The following PDE7A variants were observed in gnomAD, a reference collection of about 807,000 sequenced individuals.
The protein encoded by PDE7A is high affinity 3',5'-cyclic-AMP phosphodiesterase 7A.
Under a neutral mutation model 64.3 loss-of-function variants are expected in PDE7A, and 39 were observed. The observed-to-expected ratio is 0.61, with a 90% CI of 0.47 to 0.79. The LOEUF (loss-of-function observed/expected upper bound fraction) is 0.79. Among genes scored for constraint, PDE7A ranks in the 30% least tolerant of loss-of-function variants. PDE7A has a pLI of 0.00. For missense variants in PDE7A, 470 were observed against 582.8 expected, an observed-to-expected ratio of 0.81 and a Z score of 1.99; for synonymous variants, 203 against 206.8, an observed-to-expected ratio of 0.98 and a Z score of 0.16.
At chr8:65,766,312 A>G (rs1808781054) in intron 3 of PDE7A, among the ~76,000 whole-genome samples, 1 of 152,214 alleles carries the variant, frequency 6.6e-6, no homozygotes, top group Non-Finnish European at 1.5e-5. Context: ...TAGGACTCAA[A>G]ATATCTTATT....
intron 3 of PDE7A, among the ~76,000 whole-genome samples, chr8:65,754,858 G>A (rs556197481): frequency 3.4e-5 from 5 of 148,708 alleles, no homozygotes; most frequent in South Asian, 4.4e-4. Context: ...CCATCTACTC[G>A]GGAGGCTGAG....
chr8:65,754,041 A>G (rs908545659), intron 3 of PDE7A, among the ~76,000 whole-genome samples: 2 of 152,160 alleles, frequency 1.3e-5, no homozygotes, highest in African/African-American at 4.8e-5. Flanking sequence ...TCACACGATC[A>G]CAAGGTCCCA....
intron 1 of PDE7A, among the ~76,000 whole-genome samples, chr8:65,823,312 TG>T (rs1487088300): frequency 2.0e-5 from 3 of 152,188 alleles, no homozygotes; most frequent in Non-Finnish European, 4.4e-5. Flanking sequence ...AACATTAAAC[TG>T]AATAATGATG....
chr8:65,730,258 G>A (rs542610301), intron 7 of PDE7A, among the ~76,000 whole-genome samples: 39 of 130,222 alleles, frequency 3.0e-4, no homozygotes, highest in Middle Eastern at 4.5e-3. Flanking sequence ...ACGGCTCACC[G>A]AAACCTCCAC....
intron 1 of PDE7A, among the ~76,000 whole-genome samples, chr8:65,814,878 T>G (rs1164914528): frequency 6.6e-6 from 1 of 152,002 alleles, no homozygotes; most frequent in Non-Finnish European, 1.5e-5. Context: ...GGTCAGGAGT[T>G]CAAGACCAGC....
intron 1 of PDE7A, among the ~76,000 whole-genome samples, chr8:65,793,610 G>A (rs1433235056): frequency 6.6e-6 from 1 of 152,042 alleles, no homozygotes; most frequent in Admixed American, 6.6e-5. Flanking sequence ...TTCAATACGG[G>A]CCACATAAGA....
At position 65,715,366 on chromosome 8, in the gene PDE7A, T is replaced by C. The variant is rs1405791023; in HGVS notation, c.*3924A>G. Among the ~76,000 whole-genome samples, 1 of 151,106 alleles carries C rather than the reference T, an allele frequency of 6.6e-6. No individual in the cohort carries two copies. Among genetic ancestry groups the C allele is most frequent in the Middle Eastern group, 3.4e-3 (1 of 292 alleles). ...GCCAAGCCAACAAAGAGAGACCCTGTCTCTATAAAAAAGTTTTTTTTTTTT... is the reference window on the plus strand; with the variant it reads ...GCCAAGCCAACAAAGAGAGACCCTGCCTCTATAAAAAAGTTTTTTTTTTTT... On this transcript the variant is annotated 3_prime_UTR_variant, in exon 13 of 13. Transcript: ENST00000401827.
At chr8:65,825,106 C>G (rs768724690) in intron 1 of PDE7A, among the ~76,000 whole-genome samples, 1 of 151,872 alleles carries the variant, frequency 6.6e-6, no homozygotes, top group Non-Finnish European at 1.5e-5. Flanking sequence ...CAAAAATCAT[C>G]ACAATATTTT....
At chr8:65,758,268 C>T (rs1170772113) in intron 3 of PDE7A, among the ~76,000 whole-genome samples, 2 of 152,112 alleles carry the variant, frequency 1.3e-5, no homozygotes, top group Non-Finnish European at 1.5e-5. Context: ...CCCATCAGGC[C>T]CTCAGGAATT....
chr8:65,752,009 T>C (rs542585726), intron 3 of PDE7A, among the ~76,000 whole-genome samples: 2 of 152,330 alleles, frequency 1.3e-5, no homozygotes, highest in South Asian at 2.1e-4. Context: ...GCCAGTCCTC[T>C]ACTGAAGGGC....
intron 1 of PDE7A, among the ~76,000 whole-genome samples, chr8:65,801,408 T>C (rs1348525321): frequency 6.6e-6 from 1 of 152,022 alleles, no homozygotes; most frequent in African/African-American, 2.4e-5. Context: ...ATGCAACAAG[T>C]AAAGTAATGA....
At chr8:65,818,522 A>G (rs1810468382) in intron 1 of PDE7A, among the ~76,000 whole-genome samples, 1 of 152,156 alleles carries the variant, frequency 6.6e-6, no homozygotes, top group Non-Finnish European at 1.5e-5. Flanking sequence ...TGTGACACTC[A>G]ACAGAGACTG....
chr8:65,782,671 T>C (rs944183288), intron 2 of PDE7A, 112 bp downstream of exon 2: 14 of 633,790 alleles, frequency 2.2e-5, no homozygotes, highest in Non-Finnish European at 3.6e-5. Context: ...GAATAGGTTA[T>C]TTCTACTACA....
intron 1 of PDE7A, among the ~76,000 whole-genome samples, chr8:65,785,642 G>A (rs1319810581): frequency 3.3e-5 from 5 of 152,074 alleles, no homozygotes; most frequent in Non-Finnish European, 5.9e-5. Context: ...AGCCTAGGAA[G>A]GGCATATGTG....
intron 3 of PDE7A, among the ~76,000 whole-genome samples, chr8:65,755,963 C>A (rs1206537295): frequency 6.6e-6 from 1 of 152,192 alleles, no homozygotes; most frequent in African/African-American, 2.4e-5. Context: ...AATGAACTCC[C>A]TCAACTTTTG....
At chr8:65,825,268 T>A (rs1035465130) in intron 1 of PDE7A, among the ~76,000 whole-genome samples, 20 of 152,162 alleles carry the variant, frequency 1.3e-4, no homozygotes, top group Non-Finnish European at 2.5e-4. Context: ...CCAAAAAAAA[T>A]TCAGGTTACT....
rs1327045900 is a variant in PDE7A, at chr8:65,718,176, G to T, written c.*1114C>A. 6.6e-6 allele frequency: 1 copy of T among 152,136 alleles called. No homozygotes were observed. Among genetic ancestry groups the T allele is most frequent in the African/African-American group, 2.4e-5 (1 of 41,408 alleles). The allele number at this position is 152,136 out of a possible 1,614,324, so 9.4% of individuals were successfully genotyped here. A position where few individuals can be genotyped will look rare whatever the true frequency, so the allele number is the denominator to read the frequency against. On this transcript the variant is annotated 3_prime_UTR_variant, in exon 13 of 13. Transcript: ENST00000401827. ...CTACCAACCTTCCCCTCCCCCGAGT[G>T]TGGCTGCTCATTATGTCACATTCTA... is the stretch of plus-strand genomic sequence containing the variant.
chr8:65,814,565 GTACA>G (rs1810344896), intron 1 of PDE7A, among the ~76,000 whole-genome samples: 1 of 145,938 alleles, frequency 6.9e-6, no homozygotes, highest in Admixed American at 6.8e-5. Flanking sequence ...TATATAATAC[GTACA>G]CATATAATAC....
chr8:65,814,234 G>A (rs571961639), intron 1 of PDE7A, among the ~76,000 whole-genome samples: 27 of 152,162 alleles, frequency 1.8e-4, no homozygotes, highest in Admixed American at 5.9e-4. Flanking sequence ...ACTTTCGGCC[G>A]GGCGCGGTGG....
Sources: gnomAD v4.1 joint callset for allele counts (sites outside exome capture counted in the v4.1 genomes callset) on GRCh38, gnomAD v4.1.1 for gene constraint, MANE v1.5 for transcripts, NCBI Gene and HGNC (gene_info 2026-07-23, HGNC 2026-07-21) for gene names.